Variants in ZNF704 observed in about 807,000 individuals in gnomAD.
The protein encoded by ZNF704 is glucocorticoid induced gene 1.
ZNF704 carries 10 observed loss-of-function variants against 44.7 expected under a neutral mutation model. That is an observed-to-expected ratio of 0.22 (90% CI 0.14 to 0.38). The LOEUF (loss-of-function observed/expected upper bound fraction) is 0.38, where lower values mean the gene tolerates loss of function less well. Ranked by LOEUF, ZNF704 falls within the 10% of genes least tolerant of loss-of-function variation. The probability of loss-of-function intolerance (pLI) is 1.00; values close to 1 mark genes in which losing one functional copy is unlikely to be tolerated. For synonymous variants in ZNF704, 211 were observed against 207.6 expected (o/e 1.02, Z -0.14); for missense variants, 390 against 545.5 (o/e 0.71, Z 2.84).
chr8:80,662,311 T>C (rs1038978561), intron 6 of ZNF704, among the ~76,000 whole-genome samples: 1 of 152,232 alleles, frequency 6.6e-6, no homozygotes, highest in Non-Finnish European at 1.5e-5. Context: ...ATATTTTCTA[T>C]GCTGAACATT....
At chr8:80,862,244 G>A (rs1586082897) in intron 1 of ZNF704, among the ~76,000 whole-genome samples, 2 of 151,302 alleles carry the variant, frequency 1.3e-5, no homozygotes, top group South Asian at 2.1e-4. Flanking sequence ...AGATCTTTGA[G>A]GTATCTCAGT....
chr8:80,767,979 C>G (rs1343979905), intron 2 of ZNF704, among the ~76,000 whole-genome samples: 1 of 152,154 alleles, frequency 6.6e-6, no homozygotes, highest in Non-Finnish European at 1.5e-5. Flanking sequence ...CACTTGAAAT[C>G]TCTATAGCAA....
chr8:80,789,909 G>C (rs1173441158), intron 2 of ZNF704, among the ~76,000 whole-genome samples: 3 of 152,164 alleles, frequency 2.0e-5, no homozygotes, highest in Non-Finnish European at 4.4e-5. Context: ...AAGATGTCAA[G>C]AAGAAATAGT....
rs377740483 is a variant in ZNF704 at position 80,701,276 on chromosome 8, G to A, written c.222-8169C>T. On this transcript the variant is annotated intron_variant, in intron 2 of 8. Transcript: ENST00000327835. Reference sequence around the variant, plus strand: ...CTTGGCCTCAGCAGGCCCTTCACCCGCCCTCGCTCACCACAACTGCCCGCT... The same window carrying A: ...CTTGGCCTCAGCAGGCCCTTCACCCACCCTCGCTCACCACAACTGCCCGCT... Among the ~76,000 whole-genome samples the A allele has an allele frequency of 5.3e-5, 8 of 151,962 alleles. No homozygotes were observed. The East Asian group carries it at 7.8e-4, about 15-fold the overall frequency.
chr8:80,678,066 C>A (rs1231801494), intron 4 of ZNF704, among the ~76,000 whole-genome samples: 1 of 152,194 alleles, frequency 6.6e-6, no homozygotes, highest in East Asian at 1.9e-4. Flanking sequence ...ATACCCTACA[C>A]TGGTAGCTAC....
Position 80,659,640 on chromosome 8 carries a change from C to T in ZNF704, c.977G>A (p.Gly326Asp). The change falls in exon 7 of 9, where the codon GGC becomes GAC. Residue 326 changes from glycine to aspartate, a missense_variant. Coordinates refer to ENST00000327835, the MANE Select transcript of ZNF704 (RefSeq NM_001033723.3). Reference protein sequence around the residue: ...IPGSAKFTPNGSSFSISWQSP... With the variant: ...IPGSAKFTPNDSSFSISWQSP... ...TTGCCAGGAAATGCTGAAGCTGCTG[C>T]CATTGGGGGTGAACTTGGCCGATCC... is the stretch of plus-strand genomic sequence containing the variant. 1.2e-6 allele frequency: 2 copies of T among 1,613,930 alleles called. No individual in the cohort carries two copies. Among genetic ancestry groups the T allele is most frequent in the Non-Finnish European group, 8.5e-7 (1 of 1,179,942 alleles).
chr8:80,641,339 C>A lies in ZNF704; in HGVS notation c.*27G>T. On this transcript the variant is annotated 3_prime_UTR_variant, in exon 9 of 9. Coordinates refer to ENST00000327835, the MANE Select transcript of ZNF704 (RefSeq NM_001033723.3). The stretch of plus-strand genomic sequence containing the variant: ...AGGCCAGGGCAGGAGCGGCTCAGGG[C>A]CCTGAGCCCCTCTGCCTGGGGGTCT... 1 of 1,507,424 alleles carries A rather than the reference C, an allele frequency of 6.6e-7. No individual in the cohort carries two copies. Among genetic ancestry groups the A allele is most frequent in the South Asian group, 1.2e-5 (1 of 80,314 alleles). 93.4% of individuals were successfully genotyped at this position (1,507,424 alleles called of 1,614,324 possible). A position where few individuals can be genotyped will look rare whatever the true frequency, so the allele number is the denominator to read the frequency against.
chr8:80,822,274 C>CCCCCCA (rs1808287623), intron 1 of ZNF704, among the ~76,000 whole-genome samples: 1 of 123,464 alleles, frequency 8.1e-6, no homozygotes, highest in African/African-American at 5.5e-5. Context: ...TTCCCCCCCG[C>CCCCCCA]CCCCAACCCA....
At chr8:80,815,024 A>T (rs1427562608) in intron 2 of ZNF704, among the ~76,000 whole-genome samples, 1 of 152,236 alleles carries the variant, frequency 6.6e-6, no homozygotes, top group Non-Finnish European at 1.5e-5. Flanking sequence ...TCGTATTTAT[A>T]GGATTTTGCT....
chr8:80,700,800 C>T lies in ZNF704; in HGVS notation c.222-7693G>A, dbSNP rs558186615. Among the ~76,000 whole-genome samples, 11 of 151,854 alleles carry T rather than the reference C, an allele frequency of 7.2e-5. No homozygotes were observed. The East Asian group carries it at 9.7e-4, about 13-fold the overall frequency. On this transcript the variant is annotated intron_variant, in intron 2 of 8. Transcript: ENST00000327835. ...GTGTAGATTTGAAACTTCCATAATA[C>T]GATTTAAAACAAGAATACAGCATGA... is the stretch of plus-strand genomic sequence containing the variant.
chr8:80,802,605 T>A (rs775579498), intron 2 of ZNF704, among the ~76,000 whole-genome samples: 4 of 152,084 alleles, frequency 2.6e-5, no homozygotes, highest in African/African-American at 2.4e-5. Context: ...ATTATCTCAA[T>A]AGATGCAGAA....
At chr8:80,813,516 A>G (rs889842668) in intron 2 of ZNF704, among the ~76,000 whole-genome samples, 5 of 152,208 alleles carry the variant, frequency 3.3e-5, no homozygotes, top group Admixed American at 6.5e-5. Flanking sequence ...AAACACACAC[A>G]TACATACACA....
At chr8:80,760,738 A>C (rs1807116464) in intron 2 of ZNF704, among the ~76,000 whole-genome samples, 1 of 152,094 alleles carries the variant, frequency 6.6e-6, no homozygotes, top group African/African-American at 2.4e-5. Flanking sequence ...TTCATTTATA[A>C]AGAAAAGAGT....
intron 4 of ZNF704, among the ~76,000 whole-genome samples, chr8:80,679,850 T>C (rs1004945683): frequency 3.9e-5 from 6 of 152,216 alleles, no homozygotes; most frequent in African/African-American, 1.2e-4. Flanking sequence ...GTGAGATGCA[T>C]AGCAGCTTCC....
chr8:80,654,275 C>T (rs1817971898), intron 7 of ZNF704, among the ~76,000 whole-genome samples: 1 of 152,180 alleles, frequency 6.6e-6, no homozygotes, highest in Non-Finnish European at 1.5e-5. Flanking sequence ...AGGACATAGG[C>T]ATGGACAAGG....
At chr8:80,666,128 CCA>C (rs1192718049) in intron 5 of ZNF704, among the ~76,000 whole-genome samples, 1 of 131,130 alleles carries the variant, frequency 7.6e-6, no homozygotes, top group Non-Finnish European at 1.6e-5. Context: ...CCCCACCCCA[CCA>C]CAGTCCCCAG....
At chr8:80,828,536 C>A (rs1808417867) in intron 1 of ZNF704, among the ~76,000 whole-genome samples, 1 of 152,120 alleles carries the variant, frequency 6.6e-6, no homozygotes. Context: ...GTGATACAAT[C>A]CATTTCCTCC....
Position 80,641,401 on chromosome 8 carries a change from G to A in ZNF704, c.1204C>T (p.Arg402Cys), listed in dbSNP as rs745472271. The A allele has an allele frequency of 1.2e-6, 2 of 1,613,428 alleles. No homozygotes were observed. Among genetic ancestry groups the A allele is most frequent in the Non-Finnish European group, 1.7e-6 (2 of 1,179,780 alleles). ...AACCTCTGGCAGGCCTTCTTCCAGC[G>A]GCAGGCGGTACACCACATGTCTCGG... ...ENRDMWCTAC[R>C]WKKACQRFLD The change falls in exon 9 of 9, where the codon CGC (arginine) becomes TGC (cysteine). Residue 402 changes from arginine to cysteine, a missense_variant. Transcript: ENST00000327835.
rs2199878 is a variant in ZNF704, at chr8:80,653,402, T to C, written c.1032+6183A>G. On this transcript the variant is annotated intron_variant, in intron 7 of 8. Transcript: ENST00000327835. ...TTGCCCCTGTTTGCAGATGACATGA[T>C]TGTATATCTAGAAAACCCCATAGTC... is the stretch of plus-strand genomic sequence containing the variant. Among the ~76,000 whole-genome samples, 212 of 152,298 alleles carry C rather than the reference T, an allele frequency of 1.4e-3. 1 individual carries two copies. The highest frequency in any genetic ancestry group is 4.1e-3 in the South Asian group (20 of 4,824).
Sources: gnomAD v4.1 joint callset for allele counts (sites outside exome capture counted in the v4.1 genomes callset) on GRCh38, gnomAD v4.1.1 for gene constraint, MANE v1.5 for transcripts, NCBI Gene and HGNC (gene_info 2026-07-23, HGNC 2026-07-21) for gene names.